KIF27: variants seen among roughly 807,000 people sequenced by gnomAD.
The protein encoded by KIF27 is kinesin-like protein KIF27.
In KIF27, 84 loss-of-function variants were observed where a neutral mutation model predicts 141.8. The observed-to-expected ratio is 0.59, with a 90% CI of 0.50 to 0.71. The LOEUF (loss-of-function observed/expected upper bound fraction) is 0.71, where lower values mean the gene tolerates loss of function less well. Ranked by LOEUF, KIF27 falls within the 30% of genes least tolerant of loss-of-function variation. The pLI, the probability that KIF27 is intolerant of heterozygous loss-of-function variation, is 0.00. For synonymous variants in KIF27, 471 were observed against 569.5 expected (o/e 0.83, Z 2.46); for missense variants, 1,306 against 1,628.4 (o/e 0.80, Z 3.41).
intron 9 of KIF27, 76 bp from the exon 10 acceptor site, chr9:83,884,094 T>C: frequency 9.3e-7 from 1 of 1,070,220 alleles, no homozygotes; most frequent in South Asian, 1.7e-5. Flanking sequence ...AAAAATACTC[T>C]ACTCTAAAAT....
intron 16 of KIF27, among the ~76,000 whole-genome samples, chr9:83,846,416 G>C (rs1244742282): frequency 1.3e-5 from 2 of 152,220 alleles, no homozygotes; most frequent in African/African-American, 4.8e-5. Flanking sequence ...CTAAAGAAGT[G>C]TGGCAGTGGG....
chr9:83,844,097 G>A (rs1946906579), intron 16 of KIF27, among the ~76,000 whole-genome samples: 1 of 152,090 alleles, frequency 6.6e-6, no homozygotes, highest in African/African-American at 2.4e-5. Context: ...CAGCGAATAT[G>A]AAGCAGGCAG....
chr9:83,894,679 T>G (rs1384689103), intron 5 of KIF27, among the ~76,000 whole-genome samples: 10 of 152,182 alleles, frequency 6.6e-5, no homozygotes, highest in Middle Eastern at 3.2e-3. Flanking sequence ...TGCTGGGGGA[T>G]TAAGCACATC....
rs183699400 is a variant in KIF27 at position 83,902,127 on chromosome 9, A to C, written c.1458+933T>G. 4.9e-4 allele frequency among the ~76,000 whole-genome samples: 74 copies of C among 152,326 alleles called. No individual in the cohort carries two copies. The East Asian group carries it at 8.3e-3, about 17-fold the overall frequency. ...CACTGCTGTAACAGAGGATAATACA[A>C]ATGCCTTCTTTATAATATTACATGT... On this transcript the variant is annotated intron_variant, in intron 4 of 17. Coordinates refer to ENST00000297814, the MANE Select transcript of KIF27 (RefSeq NM_017576.4).
chr9:83,870,864 T>A (rs2132049638), intron 11 of KIF27, among the ~76,000 whole-genome samples: 1 of 152,114 alleles, frequency 6.6e-6, no homozygotes, highest in East Asian at 1.9e-4. Context: ...AATGAGTAGA[T>A]GACAGTTGGG....
chr9:83,853,498 A>G (rs1948839179), intron 15 of KIF27, 131 bp downstream of exon 15: 1 of 647,806 alleles, frequency 1.5e-6, no homozygotes, highest in Non-Finnish European at 2.6e-6. Context: ...AAGAGAAATC[A>G]TGCTTAAATT....
At chr9:83,873,514 T>G (rs1950962845) in intron 11 of KIF27, among the ~76,000 whole-genome samples, 1 of 152,176 alleles carries the variant, frequency 6.6e-6, no homozygotes, top group Non-Finnish European at 1.5e-5. Context: ...ATAAGAGAAG[T>G]GCACTCACAA....
At chr9:83,838,740 G>A (rs1378738264) in intron 17 of KIF27, 1 of 152,160 alleles carries the variant, frequency 6.6e-6, no homozygotes, top group Admixed American at 6.6e-5. Flanking sequence ...AATTGCAATA[G>A]CAGCTGGAAC....
Position 83,887,030 on chromosome 9 carries a change from G to T in KIF27, c.2239+11C>A. On this transcript the variant is annotated intron_variant, in intron 9 of 17. Transcript: ENST00000297814. ...CTTTCTCATTTAAGCTGGTTCACAA[G>T]ATACTATTACCTGTTTTTATTAATT... 1 of 1,555,738 alleles carries T rather than the reference G, an allele frequency of 6.4e-7. No homozygotes were observed. Among genetic ancestry groups the T allele is most frequent in the South Asian group, 1.2e-5 (1 of 81,182 alleles).
chr9:83,910,061 A>G (rs1954984184), intron 2 of KIF27, among the ~76,000 whole-genome samples: 1 of 151,338 alleles, frequency 6.6e-6, no homozygotes, highest in Non-Finnish European at 1.5e-5. Context: ...CTAAATACAT[A>G]CATACATACA....
intron 6 of KIF27, among the ~76,000 whole-genome samples, chr9:83,890,573 A>G (rs1365682003): frequency 1.3e-5 from 2 of 152,200 alleles, no homozygotes; most frequent in Non-Finnish European, 2.9e-5. Context: ...CAGAGCTATT[A>G]TAGTATTCAT....
At chr9:83,863,269 T>A (rs1372887251) in intron 13 of KIF27, among the ~76,000 whole-genome samples, 1 of 152,182 alleles carries the variant, frequency 6.6e-6, no homozygotes, top group African/African-American at 2.4e-5. Context: ...TCAAAGGGAA[T>A]GCTTCCAGTT....
intron 5 of KIF27, among the ~76,000 whole-genome samples, chr9:83,897,492 G>C (rs1447751814): frequency 1.3e-5 from 2 of 152,084 alleles, no homozygotes; most frequent in African/African-American, 4.8e-5. Context: ...GCTAAATGTG[G>C]AAGGCAAAAC....
chr9:83,857,056 A>C (rs1949303538), intron 14 of KIF27, among the ~76,000 whole-genome samples: 1 of 151,320 alleles, frequency 6.6e-6, no homozygotes, highest in Non-Finnish European at 1.5e-5. Flanking sequence ...GGTATTCTTT[A>C]ATTTTAGTTT....
In KIF27 at chr9:83,918,902, C is replaced by G. The variant is rs1322958127; in HGVS notation, c.-88+2469G>C. On this transcript the variant is annotated intron_variant, in intron 1 of 17. Coordinates refer to ENST00000297814, the MANE Select transcript of KIF27 (RefSeq NM_017576.4). ...ACCAGCCTGAACAACATGGTGAAAC[C>G]CCGTCCTTACTAAAAATACAAAAAT... Among the ~76,000 whole-genome samples, 4 of 152,196 alleles carry G rather than the reference C, an allele frequency of 2.6e-5. No individual in the cohort carries two copies. The East Asian group carries it at 7.7e-4, about 29-fold the overall frequency.
chr9:83,873,419 T>C (rs1389439638), intron 11 of KIF27, among the ~76,000 whole-genome samples: 1 of 152,132 alleles, frequency 6.6e-6, no homozygotes, highest in African/African-American at 2.4e-5. Flanking sequence ...TTAAAGGAAG[T>C]GTTTAGATTT....
chr9:83,848,114 C>CTGATATATGATATATA (rs1947663224), intron 16 of KIF27, among the ~76,000 whole-genome samples: 2 of 31,874 alleles, frequency 6.3e-5, no homozygotes, highest in Non-Finnish European at 1.1e-4. Context: ...TATCTCATAT[C>CTGATATATGATATATA]TGATATATCT....
chr9:83,876,525 A>T (rs1472722080), intron 11 of KIF27, among the ~76,000 whole-genome samples: 1 of 152,210 alleles, frequency 6.6e-6, no homozygotes, highest in African/African-American at 2.4e-5. Flanking sequence ...TCCTTATCAA[A>T]ATTCCAATGG....
intron 1 of KIF27, among the ~76,000 whole-genome samples, chr9:83,917,704 G>A (rs1383625730): frequency 6.6e-6 from 1 of 152,158 alleles, no homozygotes; most frequent in African/African-American, 2.4e-5. Flanking sequence ...TTCAACTGAA[G>A]TATAAGAATA....
Sources: allele counts gnomAD v4.1 joint callset (sites outside exome capture counted in the v4.1 genomes callset), GRCh38; gene constraint gnomAD v4.1.1; transcripts MANE v1.5; gene names NCBI Gene and HGNC (gene_info 2026-07-23, HGNC 2026-07-21).